Variants in GPR176 observed in about 807,000 individuals in gnomAD.
GPR176 encodes the protein G-protein coupled receptor 176.
Under a neutral mutation model 35.4 loss-of-function variants are expected in GPR176, and 26 were observed. The observed-to-expected ratio is 0.74, with a 90% CI of 0.54 to 1.02. The LOEUF (loss-of-function observed/expected upper bound fraction) is 1.02, where lower values mean the gene tolerates loss of function less well. Among genes scored for constraint, GPR176 ranks in the 50% least tolerant of loss-of-function variants. The pLI, the probability that GPR176 is intolerant of heterozygous loss-of-function variation, is 0.00. For synonymous variants in GPR176, 278 were observed against 271.3 expected (o/e 1.02, Z -0.24); for missense variants, 597 against 665.3 (o/e 0.90, Z 1.13).
chr15:39,839,476 T>C (rs1346106949), intron 1 of GPR176, among the ~76,000 whole-genome samples: 1 of 152,126 alleles, frequency 6.6e-6, no homozygotes, highest in Non-Finnish European at 1.5e-5. Flanking sequence ...CAAAAATTAA[T>C]TCAAGATGGA....
At chr15:39,897,067 G>A (rs2033135045) in intron 1 of GPR176, among the ~76,000 whole-genome samples, 2 of 152,146 alleles carry the variant, frequency 1.3e-5, no homozygotes, top group Admixed American at 1.3e-4. Flanking sequence ...CACAAACCAA[G>A]AGAGTCATTA....
At chr15:39,803,268 C>CTTGT (rs1566933781) in intron 2 of GPR176, among the ~76,000 whole-genome samples, 1 of 112,826 alleles carries the variant, frequency 8.9e-6, no homozygotes, top group Non-Finnish European at 1.9e-5. Context: ...ATAACAAGTA[C>CTTGT]TTCTTTTTTT....
chr15:39,857,986 A>G (rs947958156), intron 1 of GPR176, among the ~76,000 whole-genome samples: 3 of 150,422 alleles, frequency 2.0e-5, no homozygotes, highest in Non-Finnish European at 4.4e-5. Context: ...AAAAAAAAAA[A>G]GAAAGAAAGA....
rs139725831 is a variant in GPR176 at position 39,816,253 on chromosome 15, C to A, written c.173-8995G>T. ...CAGTAAGCAATATATTATATATTTACAATTGCTTTAAAATGTAGATTTTAA... is the reference window on the plus strand; with the variant it reads ...CAGTAAGCAATATATTATATATTTAAAATTGCTTTAAAATGTAGATTTTAA... On this transcript the variant is annotated intron_variant, in intron 1 of 2. Coordinates refer to ENST00000561100, the MANE Select transcript of GPR176 (RefSeq NM_007223.3). 2.9e-3 allele frequency among the ~76,000 whole-genome samples: 437 copies of A among 152,208 alleles called. 3 individuals are homozygous for A. Among genetic ancestry groups the A allele is most frequent in the African/African-American group, 1.0e-2 (415 of 41,534 alleles).
In GPR176 at chr15:39,807,210, G is replaced by A; in HGVS notation, c.221C>T (p.Ser74Phe). Residue 74 changes from serine (S) to phenylalanine (F), a missense_variant, in exon 2 of 3, where the codon TCT becomes TTT. Physicochemically the swap from Ser to Phe is radical, Grantham distance 155. Around this residue, in one of 3 missense-constraint regions of GPR176, gnomAD observed 126 missense variants for 112.4 expected, o/e 1.12. Coordinates refer to ENST00000561100, the MANE Select transcript of GPR176 (RefSeq NM_007223.3). ...WSTCRTTVFK[S>F]VTNRFIKNLA... Reference sequence around the variant, plus strand: ...GTTTTTAATGAACCTGTTGGTGACAGATTTGAACACGGTTGTGCGGCAAGT... The same window carrying A: ...GTTTTTAATGAACCTGTTGGTGACAAATTTGAACACGGTTGTGCGGCAAGT... 1 of 1,612,642 alleles carries A rather than the reference G, an allele frequency of 6.2e-7. No individual in the cohort carries two copies. The highest frequency in any genetic ancestry group is 8.5e-7 in the Non-Finnish European group (1 of 1,179,314).
At chr15:39,857,179 A>C (rs1317960914) in intron 1 of GPR176, among the ~76,000 whole-genome samples, 1 of 152,244 alleles carries the variant, frequency 6.6e-6, no homozygotes, top group African/African-American at 2.4e-5. Flanking sequence ...AAAAAGGAGC[A>C]GTGGACAAAA....
chr15:39,912,063 T>C (rs2033592297), intron 1 of GPR176, among the ~76,000 whole-genome samples: 1 of 152,070 alleles, frequency 6.6e-6, no homozygotes, highest in African/African-American at 2.4e-5. Context: ...AGTCAGCAAC[T>C]CAGAAGAAGG....
chr15:39,891,833 T>C (rs2032885764), intron 1 of GPR176, among the ~76,000 whole-genome samples: 1 of 152,220 alleles, frequency 6.6e-6, no homozygotes, highest in African/African-American at 2.4e-5. Flanking sequence ...AGAGAGACCT[T>C]GTCTCTAAAA....
intron 1 of GPR176, among the ~76,000 whole-genome samples, chr15:39,850,868 C>A (rs1378125746): frequency 6.6e-6 from 1 of 151,302 alleles, no homozygotes; most frequent in Non-Finnish European, 1.5e-5. Context: ...AACAAAAAAA[C>A]AAAAAACAAT....
chr15:39,816,314 A>T (rs1899903363), intron 1 of GPR176, among the ~76,000 whole-genome samples: 1 of 152,214 alleles, frequency 6.6e-6, no homozygotes, highest in Non-Finnish European at 1.5e-5. Flanking sequence ...GAGATAATGC[A>T]CATGTCAATT....
intron 1 of GPR176, among the ~76,000 whole-genome samples, chr15:39,843,291 G>A (rs138923427): frequency 6.6e-6 from 1 of 152,002 alleles, no homozygotes; most frequent in African/African-American, 2.4e-5. Context: ...CCTCCAAGTA[G>A]GGCACAAAAG....
intron 1 of GPR176, among the ~76,000 whole-genome samples, chr15:39,832,529 T>G (rs35194933): frequency 6.6e-6 from 1 of 151,840 alleles, no homozygotes; most frequent in Non-Finnish European, 1.5e-5. Context: ...AAATCCATTT[T>G]CTTGTTTCTT....
chr15:39,856,844 T>C (rs923869377), intron 1 of GPR176, among the ~76,000 whole-genome samples: 13 of 152,230 alleles, frequency 8.5e-5, no homozygotes, highest in African/African-American at 3.1e-4. Flanking sequence ...TTGTTCATTG[T>C]TAGATCTGCA....
chr15:39,813,439 G>A (rs1019710447), intron 1 of GPR176: 2 of 152,138 alleles, frequency 1.3e-5, no homozygotes, highest in Non-Finnish European at 2.9e-5. Flanking sequence ...ATAATACTCT[G>A]AGTTGAGAGG....
chr15:39,843,338 G>A (rs981515943), intron 1 of GPR176, among the ~76,000 whole-genome samples: 4 of 152,016 alleles, frequency 2.6e-5, no homozygotes, highest in African/African-American at 9.7e-5. Context: ...GTATTTCAAA[G>A]GTAACTTATA....
chr15:39,830,440 G>C (rs927215234), intron 1 of GPR176, among the ~76,000 whole-genome samples: 1 of 152,178 alleles, frequency 6.6e-6, no homozygotes, highest in Non-Finnish European at 1.5e-5. Flanking sequence ...AACACCACAA[G>C]AGGATACACT....
At chr15:39,897,598 T>C (rs866426347) in intron 1 of GPR176, among the ~76,000 whole-genome samples, 2 of 114,618 alleles carry the variant, frequency 1.7e-5, no homozygotes, top group South Asian at 3.0e-4. Flanking sequence ...AACATCCAAA[T>C]ATTTTTTTTT....
chr15:39,906,932 C>T (rs2033438192), intron 1 of GPR176, among the ~76,000 whole-genome samples: 1 of 152,158 alleles, frequency 6.6e-6, no homozygotes, highest in Non-Finnish European at 1.5e-5. Context: ...AAATAAAGTC[C>T]CAGTTCTCAA....
intron 1 of GPR176, among the ~76,000 whole-genome samples, chr15:39,915,168 G>C (rs2033694037): frequency 6.6e-6 from 1 of 152,152 alleles, no homozygotes; most frequent in African/African-American, 2.4e-5. Flanking sequence ...CCAAAAGCTG[G>C]GTGGCTTTAA....
Sources: gnomAD v4.1 joint callset for allele counts (sites outside exome capture counted in the v4.1 genomes callset) on GRCh38, gnomAD v4.1.1 for gene constraint, gnomAD v4.1.1 regional missense constraint, MANE v1.5 for transcripts, NCBI Gene and HGNC (gene_info 2026-07-23, HGNC 2026-07-21) for gene names.